C12orf42: variants seen among roughly 807,000 people sequenced by gnomAD.
The protein encoded by C12orf42 is chromosome 12 open reading frame 42, also known as uncharacterized protein C12orf42.
In C12orf42, 25 loss-of-function variants were observed where a neutral mutation model predicts 21.6. The ratio of observed to expected loss-of-function variants is 1.16; its 90% CI spans 0.84 to 1.62. The LOEUF is 1.62. Among genes scored for constraint, C12orf42 ranks in the 40% most tolerant of loss-of-function variants. The probability of loss-of-function intolerance (pLI) is 0.00; values close to 1 mark genes in which losing one functional copy is unlikely to be tolerated. For synonymous variants in C12orf42, 174 were observed against 175.0 expected (o/e 0.99, Z 0.05); for missense variants, 483 against 459.3 (o/e 1.05, Z -0.47).
rs1210519111 is a variant in C12orf42 at position 103,427,284 on chromosome 12, CA to C, written c.79-25610del. ...GAATATTTACCAAGCAAATGGAAAG[CA>C]AAAAAAAAAGAAAAAAAAAAAAAGC... On this transcript the variant is annotated intron_variant, in intron 2 of 5. Transcript: ENST00000548883. Among the ~76,000 whole-genome samples the C allele has an allele frequency of 7.8e-3, 306 of 39,306 alleles. 2 individuals carry two copies. Among genetic ancestry groups the C allele is most frequent in the African/African-American group, 0.025 (282 of 11,392 alleles). The allele number at this position is 39,306 out of a possible 152,430, so 25.8% of individuals were successfully genotyped here.
downstream of C12orf42, among the ~76,000 whole-genome samples, chr12:103,299,015 G>A (rs897162404): frequency 2.6e-5 from 4 of 152,146 alleles, no homozygotes; most frequent in African/African-American, 9.7e-5. Context: ...GGGGATATAA[G>A]TAGAGGCTCT....
the C12orf42 span, among the ~76,000 whole-genome samples, chr12:103,520,809 T>C: frequency 6.6e-6 from 1 of 152,238 alleles, no homozygotes; most frequent in Admixed American, 6.5e-5. Context: ...CAGACACTCA[T>C]CTGTCTCTCT....
the C12orf42 span, chr12:103,168,104 A>G: frequency 2.2e-6 from 1 of 455,924 alleles, no homozygotes; most frequent in South Asian, 1.5e-5. Flanking sequence ...ACCACAATGG[A>G]AGTCTTTAAA....
chr12:103,122,260 T>C, the C12orf42 span, among the ~76,000 whole-genome samples: 3 of 152,206 alleles, frequency 2.0e-5, no homozygotes, highest in Non-Finnish European at 4.4e-5. Flanking sequence ...GAAAAGGCAG[T>C]GATACGTGGT....
At chr12:103,164,869 T>G in the C12orf42 span, 3 of 315,084 alleles carry the variant, frequency 9.5e-6, no homozygotes, top group Admixed American at 1.2e-4. Context: ...AAATGTGGAG[T>G]ATTAGGATAT....
At chr12:103,106,184 G>C in the C12orf42 span, among the ~76,000 whole-genome samples, 2 of 152,054 alleles carry the variant, frequency 1.3e-5, no homozygotes, top group Non-Finnish European at 2.9e-5. Context: ...ATAGAAGTCA[G>C]AAGATAATGA....
chr12:103,330,259 C>G (rs1036889883), intron 4 of C12orf42, among the ~76,000 whole-genome samples: 1 of 152,138 alleles, frequency 6.6e-6, no homozygotes, highest in African/African-American at 2.4e-5. Flanking sequence ...TCCAGATGAA[C>G]CTGTGTACAA....
intron 3 of C12orf42, among the ~76,000 whole-genome samples, chr12:103,399,352 TTTG>T (rs1006648208): frequency 2.0e-5 from 3 of 151,818 alleles, no homozygotes; most frequent in Admixed American, 1.3e-4. Flanking sequence ...TAAGTCTATT[TTTG>T]TTGTTGTTGT....
the C12orf42 span, chr12:103,505,034 T>C: frequency 1.3e-4 from 34 of 263,572 alleles, no homozygotes; most frequent in African/African-American, 6.5e-4. Flanking sequence ...GGAAGGAAGC[T>C]AGCGGATGGA....
chr12:103,475,209 C>G (rs911100692), intron 2 of C12orf42, among the ~76,000 whole-genome samples: 1 of 152,216 alleles, frequency 6.6e-6, no homozygotes, highest in Non-Finnish European at 1.5e-5. Flanking sequence ...TTTGCCGCGG[C>G]TTCCTCTGAG....
the C12orf42 span, among the ~76,000 whole-genome samples, chr12:103,058,058 C>T: frequency 1.3e-5 from 2 of 151,752 alleles, no homozygotes; most frequent in African/African-American, 4.8e-5. Flanking sequence ...CTTGTTCAAG[C>T]TATTCTCCTG....
chr12:103,075,812 G>A, the C12orf42 span, among the ~76,000 whole-genome samples: 2 of 152,148 alleles, frequency 1.3e-5, no homozygotes, highest in Admixed American at 1.3e-4. Context: ...TAAAATGAAA[G>A]GACACTTCAG....
the C12orf42 span, among the ~76,000 whole-genome samples, chr12:103,166,623 T>C: frequency 2.5e-4 from 38 of 152,226 alleles, no homozygotes; most frequent in African/African-American, 8.0e-4. Flanking sequence ...AATAAATTAT[T>C]GAATTCAAAG....
chr12:103,278,762 C>T (rs2035929600), intron 4 of C12orf42, among the ~76,000 whole-genome samples: 1 of 152,208 alleles, frequency 6.6e-6, no homozygotes, highest in Non-Finnish European at 1.5e-5. Flanking sequence ...TTGGCCTGTT[C>T]CTTCCAAAGA....
chr12:103,191,561 AAAAAAAAAAAAAAT>A, the C12orf42 span, among the ~76,000 whole-genome samples: 1 of 148,618 alleles, frequency 6.7e-6, no homozygotes, highest in African/African-American at 2.5e-5. Flanking sequence ...AAAAAAAAAA[AAAAAAAAAAAAAAT>A]ACAAAAGAGA....
At chr12:103,273,981 C>G (rs147244090) in intron 5 of C12orf42, 54 of 454,638 alleles carry the variant, frequency 1.2e-4, no homozygotes, top group African/African-American at 7.6e-4. Context: ...AAAAATCCCC[C>G]CAAGAGCACT....
At chr12:103,508,349 G>C in the C12orf42 span, among the ~76,000 whole-genome samples, 1 of 152,142 alleles carries the variant, frequency 6.6e-6, no homozygotes, top group South Asian at 2.1e-4. Context: ...GATCCATAGA[G>C]AAATTATTTC....
At chr12:103,228,195 C>A in the C12orf42 span, among the ~76,000 whole-genome samples, 2 of 151,806 alleles carry the variant, frequency 1.3e-5, no homozygotes, top group South Asian at 4.2e-4. Flanking sequence ...GGGCTGAGTC[C>A]AAAAGAGAGT....
At chr12:103,562,733 C>A in the C12orf42 span, among the ~76,000 whole-genome samples, 1 of 152,184 alleles carries the variant, frequency 6.6e-6, no homozygotes, top group African/African-American at 2.4e-5. Flanking sequence ...TCAGCAAGCC[C>A]ACATCAGGGG....
Sources: allele counts gnomAD v4.1 joint callset (sites outside exome capture counted in the v4.1 genomes callset), GRCh38; gene constraint gnomAD v4.1.1; transcripts MANE v1.5; gene names NCBI Gene and HGNC (gene_info 2026-07-23, HGNC 2026-07-21).